Variants in ZNF3 observed in about 807,000 individuals in gnomAD.
The protein encoded by ZNF3 is C2-H2 type zinc finger protein.
ZNF3 carries 16 observed loss-of-function variants against 36.9 expected under a neutral mutation model. That is an observed-to-expected ratio of 0.43 (90% confidence interval 0.29 to 0.66). ZNF3 has a LOEUF of 0.66. Ranked by LOEUF, ZNF3 falls within the 30% of genes least tolerant of loss-of-function variation. The pLI is 0.13. For missense variants in ZNF3, 462 were observed against 543.1 expected (o/e 0.85, Z 1.48); for synonymous variants, 201 against 201.9 (o/e 1.00, Z 0.04).
At position 100,070,242 on chromosome 7, in the gene ZNF3, C is replaced by T. The variant is rs188157997; in HGVS notation, c.*901G>A. Reference sequence around the variant, plus strand: ...GCTGCTGAAGAGTCAGAGGTGGAGGCAGGAGTGGTCTGGCTCCTGGGGCTG... The same window carrying T: ...GCTGCTGAAGAGTCAGAGGTGGAGGTAGGAGTGGTCTGGCTCCTGGGGCTG... On this transcript the variant is annotated 3_prime_UTR_variant, in exon 6 of 6. Coordinates refer to ENST00000299667, the MANE Select transcript of ZNF3 (RefSeq NM_032924.5). 2.4e-4 allele frequency: 235 copies of T among 985,178 alleles called. No individual in the cohort carries two copies. Among genetic ancestry groups the T allele is most frequent in the Non-Finnish European group, 2.7e-4 (223 of 829,942 alleles). The allele number at this position is 985,178 out of a possible 1,614,324, so 61.0% of individuals were successfully genotyped here. A position where few individuals can be genotyped will look rare whatever the true frequency, so the allele number is the denominator to read the frequency against.
downstream of ZNF3, among the ~76,000 whole-genome samples, chr7:100,069,577 A>G (rs1458399628): frequency 1.1e-4 from 16 of 150,684 alleles, no homozygotes; most frequent in Non-Finnish European, 2.2e-4. Flanking sequence ...AAAAAAATTA[A>G]GTCAACTTTC....
At chr7:100,079,847 A>G (rs1017413343) in intron 1 of ZNF3, among the ~76,000 whole-genome samples, 191 bp from the exon 2 acceptor site, 2 of 151,932 alleles carry the variant, frequency 1.3e-5, no homozygotes, top group African/African-American at 2.4e-5. Flanking sequence ...AAAGGTGTGC[A>G]CTGCCACATC....
At chr7:100,072,272 C>T in intron 5 of ZNF3, 60 bp from the exon 6 acceptor site, 1 of 1,418,688 alleles carries the variant, frequency 7.0e-7, no homozygotes, top group Non-Finnish European at 9.5e-7. Flanking sequence ...GTGAAAATCA[C>T]AGGACAGGAT....
chr7:100,070,912 G>T lies in ZNF3; in HGVS notation c.*231C>A. The T allele has an allele frequency of 7.5e-7, 1 of 1,325,966 alleles. No homozygotes were observed. The highest frequency in any genetic ancestry group is 9.6e-7 in the Non-Finnish European group (1 of 1,041,954). 82.1% of individuals were successfully genotyped at this position (1,325,966 alleles called of 1,614,324 possible). On this transcript the variant is annotated 3_prime_UTR_variant, in exon 6 of 6. Coordinates refer to ENST00000299667, the MANE Select transcript of ZNF3 (RefSeq NM_032924.5). ...AGTGCAAACTCCTTTCCTAAATGGG[G>T]TAACTGGTCCCAGAGCTGCTTTCTA... is the stretch of plus-strand genomic sequence containing the variant.
At chr7:100,069,902 T>C (rs1048110305), downstream of ZNF3, 7 of 980,162 alleles carry the variant, frequency 7.1e-6, no homozygotes, top group Admixed American at 1.2e-4. Context: ...CATGAGCCAC[T>C]GCACCCAGCC....
At chr7:100,064,365 T>C in exon 6 of ZNF3, 1 of 1,614,080 alleles carries the variant, frequency 6.2e-7, no homozygotes. Flanking sequence ...CTTATCAGTG[T>C]AACGAATGTG....
At chr7:100,068,909 T>C (rs185350305), downstream of ZNF3, among the ~76,000 whole-genome samples, 254 of 152,084 alleles carry the variant, frequency 1.7e-3, no homozygotes, top group African/African-American at 5.7e-3. Flanking sequence ...CACTGCCACC[T>C]GCATTTAAGC....
chr7:100,076,582 G>A (rs546637948), intron 3 of ZNF3, among the ~76,000 whole-genome samples: 4 of 152,216 alleles, frequency 2.6e-5, no homozygotes, highest in South Asian at 4.2e-4. Context: ...GTGAGCCACC[G>A]CGCTCGGCCG....
chr7:100,077,551 G>A, intron 2 of ZNF3, 118 bp from the exon 3 acceptor site: 1 of 895,940 alleles, frequency 1.1e-6, no homozygotes, highest in Non-Finnish European at 1.6e-6. Flanking sequence ...TGTGGCAACT[G>A]GGACTAGTCT....
downstream of ZNF3, among the ~76,000 whole-genome samples, chr7:100,069,023 T>G (rs962603395): frequency 1.3e-5 from 2 of 151,870 alleles, no homozygotes; most frequent in African/African-American, 4.8e-5. Flanking sequence ...AGAGAGAGCA[T>G]TTCACCATGT....
chr7:100,064,305 C>A, exon 6 of ZNF3: 1 of 1,613,910 alleles, frequency 6.2e-7, no homozygotes, highest in South Asian at 1.1e-5. Context: ...AGGCTTTCAG[C>A]GGGAAAGGCA....
Position 100,064,594 on chromosome 7 carries a change from A to T in ZNF3, c.*194T>A, listed in dbSNP as rs745571007. The stretch of plus-strand genomic sequence containing the variant: ...TCTTTCCAAACATCAGCGAGTCCAC[A>T]CTGGAGAGGGAGAAGCACCGTAACT... On this transcript the variant is annotated 3_prime_UTR_variant, in exon 6 of 6. Transcript: ENST00000413658. The T allele has an allele frequency of 3.7e-6, 6 of 1,614,094 alleles. No homozygotes were observed. The South Asian group carries it at 6.6e-5, about 18-fold the overall frequency.
chr7:100,081,774 A>G (rs569829724), upstream of ZNF3: 1 of 152,226 alleles, frequency 6.6e-6, no homozygotes, highest in East Asian at 1.9e-4. The surrounding 1 kb of genome is among the most constrained non-coding windows in gnomAD (Gnocchi z 4.3). Flanking sequence ...TGTTCTTGCC[A>G]CTCACCCGTA....
downstream of ZNF3, among the ~76,000 whole-genome samples, chr7:100,069,293 C>T (rs1019105218): frequency 1.3e-5 from 2 of 152,232 alleles, no homozygotes; most frequent in African/African-American, 4.8e-5. Flanking sequence ...TGGTGGCTCA[C>T]GCCTATAATC....
chr7:100,077,070 CA>C (rs951391543), intron 3 of ZNF3: 53 of 464,074 alleles, frequency 1.1e-4, no homozygotes, highest in Non-Finnish European at 1.5e-4. Context: ...GACTCCATCT[CA>C]AAAAAAACAA....
At chr7:100,073,365 T>C (rs762575320) in intron 5 of ZNF3, among the ~76,000 whole-genome samples, 18 of 152,166 alleles carry the variant, frequency 1.2e-4, no homozygotes, top group Non-Finnish European at 1.5e-4. Context: ...GTTTTTGTTT[T>C]TGAGACAAGG....
chr7:100,064,192 T>G, exon 6 of ZNF3: 1 of 1,614,126 alleles, frequency 6.2e-7, no homozygotes, highest in Non-Finnish European at 8.5e-7. Context: ...GGACCGGCCC[T>G]ATGACTGTAA....
chr7:100,069,091 G>C (rs1403913167), downstream of ZNF3, among the ~76,000 whole-genome samples: 2 of 151,916 alleles, frequency 1.3e-5, no homozygotes, highest in Admixed American at 6.6e-5. Flanking sequence ...GCCTCCCAAA[G>C]TGCTAGGATT....
At chr7:100,080,110 T>A (rs1584464805) in intron 1 of ZNF3, among the ~76,000 whole-genome samples, 1 of 152,176 alleles carries the variant, frequency 6.6e-6, no homozygotes. Context: ...AGTATTTGCG[T>A]TGCACCCGTG....
Sources: gnomAD v4.1 joint callset for allele counts (sites outside exome capture counted in the v4.1 genomes callset) on GRCh38, gnomAD v4.1.1 for gene constraint, Gnocchi (gnomAD v3.1) non-coding constraint, MANE v1.5 for transcripts, NCBI Gene and HGNC (gene_info 2026-07-23, HGNC 2026-07-21) for gene names.